The following BPIFC variants were observed in gnomAD, a reference collection of about 807,000 sequenced individuals.
BPIFC encodes BPI fold containing family C.
A neutral mutation model predicts 57.6 loss-of-function variants in BPIFC; 60 were observed. The ratio of observed to expected loss-of-function variants is 1.04; its 90% CI spans 0.85 to 1.29. The LOEUF is 1.29. BPIFC is among the 50% of genes most tolerant of loss of function. The pLI, the probability that BPIFC is intolerant of heterozygous loss-of-function variation, is 0.00. For synonymous variants in BPIFC, 243 were observed against 224.5 expected, an observed-to-expected ratio of 1.08 and a Z score of -0.74; for missense variants, 581 against 600.5, an observed-to-expected ratio of 0.97 and a Z score of 0.34.
chr22:32,417,869 A>T (rs1327242705), intron 14 of BPIFC, among the ~76,000 whole-genome samples: 13 of 150,638 alleles, frequency 8.6e-5, no homozygotes, highest in African/African-American at 3.2e-4. Flanking sequence ...TTTTTTTTTT[A>T]TTTAAAAATT....
chr22:32,461,248 A>G (rs1477630848), intron 2 of BPIFC, among the ~76,000 whole-genome samples: 1 of 152,132 alleles, frequency 6.6e-6, no homozygotes, highest in Non-Finnish European at 1.5e-5. Flanking sequence ...ATCCAGCATG[A>G]TATTTCAGCC....
intron 2 of BPIFC, among the ~76,000 whole-genome samples, chr22:32,459,553 C>G (rs1935114638): frequency 6.6e-6 from 1 of 152,096 alleles, no homozygotes; most frequent in Non-Finnish European, 1.5e-5. Context: ...GTCCCAGCTA[C>G]TCGGGACGCT....
At chr22:32,429,026 C>T (rs1477140538) in intron 13 of BPIFC, among the ~76,000 whole-genome samples, 1 of 152,084 alleles carries the variant, frequency 6.6e-6, no homozygotes, top group Non-Finnish European at 1.5e-5. Context: ...TTTTGTGATT[C>T]ACTTCCTTGT....
intron 12 of BPIFC, among the ~76,000 whole-genome samples, chr22:32,432,013 A>AGT (rs1556039270): frequency 2.6e-5 from 4 of 151,714 alleles, no homozygotes; most frequent in African/African-American, 7.3e-5. Context: ...AGCTCACTGT[A>AGT]GCCTCAAACT....
rs560616512 is a variant in BPIFC at position 32,414,489 on chromosome 22, G to A, written c.1402-64C>T. The A allele has an allele frequency of 1.8e-5, 28 of 1,559,792 alleles. 1 individual carries two copies. The African/African-American group carries it at 1.8e-4, about 10-fold the overall frequency. On this transcript the variant is annotated intron_variant, in intron 16 of 16. Transcript: ENST00000300399. ...GGGCATGTCTGGGTTTGTCTGAGGC[G>A]TGAGGAAGAGATGGCTTCTTTTTTT...
chr22:32,423,765 G>T (rs971471893), intron 13 of BPIFC, among the ~76,000 whole-genome samples: 12 of 151,896 alleles, frequency 7.9e-5, no homozygotes, highest in Non-Finnish European at 1.8e-4. Context: ...AAGAAAAGAG[G>T]GTTAGAATTA....
chr22:32,440,561 T>C (rs1934536121), intron 8 of BPIFC, among the ~76,000 whole-genome samples: 2 of 152,184 alleles, frequency 1.3e-5, no homozygotes, highest in African/African-American at 2.4e-5. Context: ...AACAGGAAAT[T>C]ATAATACAAC....
At position 32,447,248 on chromosome 22, in the gene BPIFC, T is replaced by C. The variant is rs144019646; in HGVS notation, c.338A>G (p.Asn113Ser). 791 of 1,613,866 alleles carry C rather than the reference T, an allele frequency of 4.9e-4. 1 individual carries two copies. Among genetic ancestry groups the C allele is most frequent in the Admixed American group, 1.1e-3 (65 of 59,950 alleles). The change falls in exon 5 of 17, where the codon AAC becomes AGC. Residue 113 changes from asparagine to serine, a missense_variant. By Grantham distance (46) the Asn-to-Ser change is conservative. Transcript: ENST00000300399. ...CTCGAACCCCCAGTCTGTGCTGATG[T>C]TGGCAGTGCCATGGTTGGTTAGCGC... ...IKALTNHGTA[N>S]ISTDWGFESP...
chr22:32,418,791 G>A (rs1279756449), intron 14 of BPIFC, among the ~76,000 whole-genome samples: 1 of 152,112 alleles, frequency 6.6e-6, no homozygotes, highest in Non-Finnish European at 1.5e-5. Flanking sequence ...ATCCATGAAT[G>A]TATGAGATAG....
In BPIFC at chr22:32,432,494, G is replaced by A; in HGVS notation, c.1028C>T (p.Ala343Val). ...TAGATTGATTATGGGAGGCTCTGTG[G>A]CCATGATCCTCACCATGAAGGGCTG... ...LSQPFMVRIM[A>V]TEPPIINLQP... is the part of the protein sequence containing the mutation. The change falls in exon 12 of 17, where the codon GCC (alanine) becomes GTC (valine). Residue 343 changes from alanine (A) to valine (V), a missense_variant. Coordinates refer to ENST00000300399, the MANE Select transcript of BPIFC (RefSeq NM_174932.3). 6.2e-7 allele frequency: 1 copy of A among 1,614,096 alleles called. No individual in the cohort carries two copies. Among genetic ancestry groups the A allele is most frequent in the Non-Finnish European group, 8.5e-7 (1 of 1,179,998 alleles).
chr22:32,453,000 G>C (rs939092609), intron 4 of BPIFC, among the ~76,000 whole-genome samples: 2 of 152,138 alleles, frequency 1.3e-5, no homozygotes, highest in Admixed American at 1.3e-4. Context: ...TGTTTGGTTG[G>C]AAAACTAGTT....
intron 15 of BPIFC, 68 bp downstream of exon 15, chr22:32,417,017 G>T: frequency 1.6e-6 from 2 of 1,285,996 alleles, no homozygotes; most frequent in Non-Finnish European, 2.3e-6. Context: ...ACAATCCCCA[G>T]TGCAGCCGAT....
chr22:32,451,662 G>A (rs538014231), intron 4 of BPIFC, among the ~76,000 whole-genome samples: 28 of 152,002 alleles, frequency 1.8e-4, no homozygotes, highest in African/African-American at 5.3e-4. Context: ...AAACCTGCAC[G>A]TCGTGCACAT....
chr22:32,459,166 T>C (rs916527932), intron 2 of BPIFC, among the ~76,000 whole-genome samples: 1 of 152,180 alleles, frequency 6.6e-6, no homozygotes, highest in African/African-American at 2.4e-5. Flanking sequence ...CAGGTACCAC[T>C]GCGCTAACAC....
chr22:32,431,407 C>T lies in BPIFC; in HGVS notation c.1157G>A (p.Ser386Asn). 1 of 1,578,580 alleles carries T rather than the reference C, an allele frequency of 6.3e-7. No homozygotes were observed. Among genetic ancestry groups the T allele is most frequent in the Admixed American group, 1.7e-5 (1 of 58,094 alleles). Residue 386 changes from serine (S) to asparagine (N), a missense_variant, in exon 13 of 17, where the codon AGT (serine) becomes AAT (asparagine). Transcript: ENST00000300399. ...ETIVSMDFVA[S>N]TSVGLVILGQ... is the part of the protein sequence containing the mutation. ...CAAAATAACCAGGCCAACACTGGTA[C>T]TAGCAACCTATAGACAATAAAAGCA... is the stretch of plus-strand genomic sequence containing the variant.
At chr22:32,453,725 C>A (rs11703151) in intron 3 of BPIFC, among the ~76,000 whole-genome samples, 20,856 of 152,158 alleles carry the variant, frequency 0.14, 1,791 homozygotes, top group Non-Finnish European at 0.19. Context: ...TAACATGAGA[C>A]ATTTTCATTA....
chr22:32,451,771 T>G (rs1934902055), intron 4 of BPIFC, among the ~76,000 whole-genome samples: 1 of 152,190 alleles, frequency 6.6e-6, no homozygotes, highest in African/African-American at 2.4e-5. Context: ...CATGATATTG[T>G]ACAATTCTTC....
intron 4 of BPIFC, among the ~76,000 whole-genome samples, chr22:32,450,017 A>T (rs1934846281): frequency 6.6e-6 from 1 of 151,950 alleles, no homozygotes; most frequent in South Asian, 2.1e-4. Context: ...TACAAGCGTG[A>T]GCCATCACGC....
At chr22:32,449,804 G>A (rs1184773617) in intron 4 of BPIFC, among the ~76,000 whole-genome samples, 1 of 150,570 alleles carries the variant, frequency 6.6e-6, no homozygotes, top group Non-Finnish European at 1.5e-5. Context: ...GCATGATCTC[G>A]GCTCACTACA....
Sources: gnomAD v4.1 joint callset for allele counts (sites outside exome capture counted in the v4.1 genomes callset) on GRCh38, gnomAD v4.1.1 for gene constraint, MANE v1.5 for transcripts, NCBI Gene and HGNC (gene_info 2026-07-23, HGNC 2026-07-21) for gene names.